Variants in PPARA observed in about 807,000 individuals in gnomAD.
The protein encoded by PPARA is peroxisome proliferator activated receptor alpha, also known as peroxisome proliferator-activated receptor alpha.
In PPARA, 22 loss-of-function variants were observed where a neutral mutation model predicts 42.2. That is an observed-to-expected ratio of 0.52 (90% CI 0.37 to 0.74). The LOEUF is 0.74. Ranked by LOEUF, PPARA falls within the 30% of genes least tolerant of loss-of-function variation. PPARA has a pLI of 0.00. For synonymous variants in PPARA, 242 were observed against 239.3 expected (o/e 1.01, Z -0.10); for missense variants, 465 against 608.2 (o/e 0.76, Z 2.48).
At chr22:46,158,359 A>T (rs1276033678) in intron 2 of PPARA, among the ~76,000 whole-genome samples, 1 of 152,106 alleles carries the variant, frequency 6.6e-6, no homozygotes, top group Non-Finnish European at 1.5e-5. Context: ...GTGAGCTGAG[A>T]TCGCACCACT....
rs1924234178 is a variant in PPARA at position 46,150,635 on chromosome 22, C to T, written c.-227C>T. 2 of 119,228 alleles carry T rather than the reference C, an allele frequency of 1.7e-5. No homozygotes were observed. The highest frequency in any genetic ancestry group is 3.0e-4 in the East Asian group (1 of 3,374). 7.4% of individuals were successfully genotyped at this position (119,228 alleles called of 1,614,324 possible). A position where few individuals can be genotyped will look rare whatever the true frequency, so the allele number is the denominator to read the frequency against. ...GGCGTTCGCCCCACGGACCGGCAGGCGGCGGACCGCGGCCCAGGTGCCCGG... is the reference window on the plus strand; with the variant it reads ...GGCGTTCGCCCCACGGACCGGCAGGTGGCGGACCGCGGCCCAGGTGCCCGG... On this transcript the variant is annotated 5_prime_UTR_variant, in exon 1 of 9. Coordinates refer to ENST00000407236, the MANE Select transcript of PPARA (RefSeq NM_005036.6). This position sits in a 1 kb window ranked among gnomAD's most constrained non-coding sequence, Gnocchi z 7.5.
Position 46,207,672 on chromosome 22 carries a change from TTATTA to T in PPARA, c.209-7499_209-7495del, listed in dbSNP as rs1444098961. On this transcript the variant is annotated intron_variant, in intron 4 of 8. Coordinates refer to ENST00000407236, the MANE Select transcript of PPARA (RefSeq NM_005036.6). ...ATTATTATTATTATTATTATTATTA[TTATTA>T]TTTTTTTTTTTTTTTTTTTTTTTAG... is the stretch of plus-strand genomic sequence containing the variant. Among the ~76,000 whole-genome samples the T allele has an allele frequency of 1.6e-3, 168 of 103,604 alleles. 2 individuals carry two copies. The highest frequency in any genetic ancestry group is 7.6e-3 in the African/African-American group (139 of 18,356). The allele number at this position is 103,604 out of a possible 152,430, so 68.0% of individuals were successfully genotyped here.
chr22:46,239,075 C>G lies in PPARA; in HGVS notation c.*3695C>G, dbSNP rs144417531. 3 of 152,188 alleles carry G rather than the reference C, an allele frequency of 2.0e-5. No individual in the cohort carries two copies. The highest frequency in any genetic ancestry group is 7.2e-5 in the African/African-American group (3 of 41,410). The allele number at this position is 152,188 out of a possible 1,614,324, so 9.4% of individuals were successfully genotyped here. ...GGGCAGAAACCCAGAACTCAGCATT[C>G]AAGGATGCCCAGGAGAGCTGTCCCT... On this transcript the variant is annotated 3_prime_UTR_variant, in exon 9 of 9. Transcript: ENST00000407236.
chr22:46,198,429 G>T lies in PPARA; in HGVS notation c.46G>T (p.Ala16Ser), dbSNP rs1232898090. 3 of 1,613,740 alleles carry T rather than the reference G, an allele frequency of 1.9e-6. No homozygotes were observed. In the South Asian group the frequency reaches 3.3e-5, roughly 18 times the overall value. ...ACTCTGCCCCCTCTCCCCACTCGAG[G>T]CCGGCGATCTAGAGAGCCCGTTATC... ...SPLCPLSPLE[A>S]GDLESPLSEE... The change falls in exon 4 of 9, where the codon GCC (alanine) becomes TCC (serine). Residue 16 changes from alanine to serine, a missense_variant. Coordinates refer to ENST00000407236, the MANE Select transcript of PPARA (RefSeq NM_005036.6).
chr22:46,210,255 G>T (rs1248793817), intron 4 of PPARA, among the ~76,000 whole-genome samples: 1 of 139,200 alleles, frequency 7.2e-6, no homozygotes, highest in Non-Finnish European at 1.5e-5. Context: ...GTTGTGGTGA[G>T]CCGAGATCAC....
At position 46,225,820 on chromosome 22, in the gene PPARA, C is replaced by T. The variant is rs115880537; in HGVS notation, c.711+5806C>T. 0.017 allele frequency among the ~76,000 whole-genome samples: 2,641 copies of T among 151,794 alleles called. 67 individuals carry two copies. Among genetic ancestry groups the T allele is most frequent in the African/African-American group, 0.061 (2,513 of 41,310 alleles). On this transcript the variant is annotated intron_variant, in intron 7 of 8. Transcript: ENST00000407236. This position sits in a 1 kb window ranked among gnomAD's most constrained non-coding sequence, Gnocchi z 4.1. ...ACATACACGTGCACCCACACATGCA[C>T]ACAGACGCACCTCCACCCCCACACA...
rs1157706776 is a variant in PPARA, at chr22:46,192,363, G to A, written c.-42-5979G>A. ...CCAAACAGTCACGCATCTAAGAGCA[G>A]GTGATGCAGAAAATACCCTCGTGTT... On this transcript the variant is annotated intron_variant, in intron 3 of 8. Coordinates refer to ENST00000407236, the MANE Select transcript of PPARA (RefSeq NM_005036.6). This position sits in a 1 kb window ranked among gnomAD's most constrained non-coding sequence, Gnocchi z 4.3. Among the ~76,000 whole-genome samples, 1 of 152,194 alleles carries A rather than the reference G, an allele frequency of 6.6e-6. No individual in the cohort carries two copies. The highest frequency in any genetic ancestry group is 1.5e-5 in the Non-Finnish European group (1 of 68,042).
rs1934455896 is a variant in PPARA at position 46,216,051 on chromosome 22, TTG to T, written c.369+720_369+721del. On this transcript the variant is annotated intron_variant, in intron 5 of 8. Transcript: ENST00000407236. This position sits in a 1 kb window ranked among gnomAD's most constrained non-coding sequence, Gnocchi z 4.5. Reference sequence around the variant, plus strand: ...CTAGGACAAATGGTTCCTCTGTGCTTTGTAAATACTTAGAGAAGTGCATTCTT... The same window carrying T: ...CTAGGACAAATGGTTCCTCTGTGCTTTAAATACTTAGAGAAGTGCATTCTT... Among the ~76,000 whole-genome samples, 1 of 152,190 alleles carries T rather than the reference TTG, an allele frequency of 6.6e-6. No individual in the cohort carries two copies. Among genetic ancestry groups the T allele is most frequent in the Admixed American group, 6.5e-5 (1 of 15,278 alleles).
intron 2 of PPARA, among the ~76,000 whole-genome samples, chr22:46,176,529 C>A (rs1929087432): frequency 6.6e-6 from 1 of 152,044 alleles, no homozygotes; most frequent in Non-Finnish European, 1.5e-5. Flanking sequence ...AGTTTAAGTT[C>A]ATTGTTATTA....
rs534189528 is a variant in PPARA at position 46,204,372 on chromosome 22, C to T, written c.208+5781C>T. Reference sequence around the variant, plus strand: ...TTTGAATAAATACCTAGGAGTATGACGGCTGGAACAGATGGCAGGTGTTTG... The same window carrying T: ...TTTGAATAAATACCTAGGAGTATGATGGCTGGAACAGATGGCAGGTGTTTG... On this transcript the variant is annotated intron_variant, in intron 4 of 8. Coordinates refer to ENST00000407236, the MANE Select transcript of PPARA (RefSeq NM_005036.6). The surrounding 1 kb of genome is among the most constrained non-coding windows in gnomAD (Gnocchi z 5.2). 5.3e-5 allele frequency among the ~76,000 whole-genome samples: 8 copies of T among 152,322 alleles called. No homozygotes were observed. The East Asian group carries it at 5.8e-4, about 11-fold the overall frequency.
intron 2 of PPARA, chr22:46,155,834 G>T (rs1259723566): frequency 6.6e-6 from 1 of 152,226 alleles, no homozygotes; most frequent in African/African-American, 2.4e-5. Context: ...AGCGGCCCAT[G>T]TTTAAAAGAA....
At chr22:46,168,126 G>GAGAATTGC (rs1555932382) in intron 2 of PPARA, among the ~76,000 whole-genome samples, 1 of 151,768 alleles carries the variant, frequency 6.6e-6, no homozygotes, top group Non-Finnish European at 1.5e-5. Flanking sequence ...GCTGAAGCAG[G>GAGAATTGC]TGGATCACAA....
intron 2 of PPARA, 28 bp downstream of exon 2, chr22:46,151,998 C>G (rs1012851880): frequency 6.6e-6 from 1 of 152,142 alleles, no homozygotes; most frequent in African/African-American, 2.4e-5. Context: ...TTTACTGTTT[C>G]CAGATGGAAA....
rs924370056 is a variant in PPARA at position 46,227,324 on chromosome 22, T to C, written c.712-4468T>C. Among the ~76,000 whole-genome samples, 2 of 152,166 alleles carry C rather than the reference T, an allele frequency of 1.3e-5. No individual in the cohort carries two copies. The highest frequency in any genetic ancestry group is 6.5e-5 in the Admixed American group (1 of 15,270). On this transcript the variant is annotated intron_variant, in intron 7 of 8. Coordinates refer to ENST00000407236, the MANE Select transcript of PPARA (RefSeq NM_005036.6). The surrounding 1 kb of genome is among the most constrained non-coding windows in gnomAD (Gnocchi z 4.3). ...TGGAGTGCAGTGGCGCAATCTCAGCTCACTGCAACCTCCCCCTCCTGGGTT... is the reference window on the plus strand; with the variant it reads ...TGGAGTGCAGTGGCGCAATCTCAGCCCACTGCAACCTCCCCCTCCTGGGTT...
intron 2 of PPARA, among the ~76,000 whole-genome samples, chr22:46,172,270 C>G (rs1928179623): frequency 7.0e-6 from 1 of 143,588 alleles, no homozygotes; most frequent in African/African-American, 2.6e-5. Context: ...ATACCCTGGG[C>G]AGGATGCCAT....
At chr22:46,215,427 A>C in intron 5 of PPARA, 94 bp downstream of exon 5, 1 of 1,535,118 alleles carries the variant, frequency 6.5e-7, no homozygotes, top group East Asian at 2.3e-5. Flanking sequence ...GAGAGATTGC[A>C]GAAAGTCCCG....
rs1169029249 is a variant in PPARA at position 46,238,097 on chromosome 22, T to A, written c.*2717T>A. 2 of 152,208 alleles carry A rather than the reference T, an allele frequency of 1.3e-5. No individual in the cohort carries two copies. Among genetic ancestry groups the A allele is most frequent in the Admixed American group, 1.3e-4 (2 of 15,282 alleles). 9.4% of individuals were successfully genotyped at this position (152,208 alleles called of 1,614,324 possible). ...CTCCCGGGACACTCAGCAGCGATGG[T>A]GAGCATTTTGGTTTCCTTAAGGCCC... On this transcript the variant is annotated 3_prime_UTR_variant, in exon 9 of 9. Transcript: ENST00000407236. The surrounding 1 kb of genome is among the most constrained non-coding windows in gnomAD (Gnocchi z 8.3).
Position 46,235,063 on chromosome 22 carries a change from T to C in PPARA, c.1160-70T>C. The stretch of plus-strand genomic sequence containing the variant: ...GGCCACATAAAATAGGCATGTTTGG[T>C]TCCTGAAACTGATAAGCAGTTCTTG... On this transcript the variant is annotated intron_variant, in intron 8 of 8. Coordinates refer to ENST00000407236, the MANE Select transcript of PPARA (RefSeq NM_005036.6). This position sits in a 1 kb window ranked among gnomAD's most constrained non-coding sequence, Gnocchi z 7.0. 6.2e-7 allele frequency: 1 copy of C among 1,601,864 alleles called. No individual in the cohort carries two copies.
At chr22:46,214,461 G>A (rs188644304) in intron 4 of PPARA, among the ~76,000 whole-genome samples, 91 of 151,732 alleles carry the variant, frequency 6.0e-4, no homozygotes, top group African/African-American at 2.1e-3. Flanking sequence ...GTCCGGAGAT[G>A]CGCAGATCAG....
Sources: gnomAD v4.1 joint callset for allele counts (sites outside exome capture counted in the v4.1 genomes callset) on GRCh38, gnomAD v4.1.1 for gene constraint, Gnocchi (gnomAD v3.1) non-coding constraint, MANE v1.5 for transcripts, NCBI Gene and HGNC (gene_info 2026-07-23, HGNC 2026-07-21) for gene names.